Variants in PCSK2 observed in about 807,000 individuals in gnomAD.
PCSK2 encodes proprotein convertase subtilisin/kexin type 2, also known as neuroendocrine convertase 2.
In PCSK2, 14 loss-of-function variants were observed where a neutral mutation model predicts 69.7. The observed-to-expected ratio is 0.20, with a 90% CI of 0.13 to 0.31. The LOEUF (loss-of-function observed/expected upper bound fraction) is 0.31, where lower values mean the gene tolerates loss of function less well. PCSK2 is among the 10% of genes least tolerant of loss of function. The pLI, the probability that PCSK2 is intolerant of heterozygous loss-of-function variation, is 1.00. For missense variants in PCSK2, 544 were observed against 842.5 expected, an observed-to-expected ratio of 0.65 and a Z score of 4.39; for synonymous variants, 307 against 320.7, an observed-to-expected ratio of 0.96 and a Z score of 0.46.
At chr20:17,280,240 A>G (rs1018471861) in intron 2 of PCSK2, among the ~76,000 whole-genome samples, 1 of 152,226 alleles carries the variant, frequency 6.6e-6, no homozygotes, top group Non-Finnish European at 1.5e-5. Context: ...TTTGACTTAT[A>G]AGTACACACA....
chr20:17,356,653 G>A (rs1434179611), intron 2 of PCSK2, among the ~76,000 whole-genome samples: 6 of 152,184 alleles, frequency 3.9e-5, no homozygotes, highest in Admixed American at 3.9e-4. Context: ...AATGGATTCT[G>A]CTTCACTTCA....
At chr20:17,325,453 C>T (rs79118125) in intron 2 of PCSK2, among the ~76,000 whole-genome samples, 1,935 of 152,260 alleles carry the variant, frequency 0.013, 43 homozygotes, top group African/African-American at 0.044. Flanking sequence ...CCCAATGGGG[C>T]GTGTGATCAC....
chr20:17,406,471 C>T (rs1426743500), intron 5 of PCSK2, among the ~76,000 whole-genome samples: 3 of 152,298 alleles, frequency 2.0e-5, no homozygotes, highest in Non-Finnish European at 4.4e-5. Flanking sequence ...TCATCCATTT[C>T]AACATTCAGA....
intron 7 of PCSK2, among the ~76,000 whole-genome samples, chr20:17,436,098 G>A (rs1378675367): frequency 1.3e-5 from 2 of 152,188 alleles, no homozygotes; most frequent in Non-Finnish European, 2.9e-5. Context: ...GAAGAAAGGA[G>A]AGGCAGCCGT....
At chr20:17,238,202 T>C (rs1004161483) in intron 1 of PCSK2, among the ~76,000 whole-genome samples, 2 of 152,306 alleles carry the variant, frequency 1.3e-5, no homozygotes, top group Middle Eastern at 3.4e-3. Context: ...TCAAGAGGTA[T>C]AGTGGTTAAA....
chr20:17,358,131 C>A (rs1029230996), intron 2 of PCSK2, among the ~76,000 whole-genome samples, 196 bp from the exon 3 acceptor site: 1 of 92,960 alleles, frequency 1.1e-5, no homozygotes, highest in South Asian at 3.0e-4. Context: ...CATAGCGAGA[C>A]CCCCCCTAAT....
intron 8 of PCSK2, among the ~76,000 whole-genome samples, chr20:17,450,712 G>A (rs558417321): frequency 2.0e-5 from 3 of 152,200 alleles, no homozygotes; most frequent in South Asian, 2.1e-4. Context: ...ACAAACACTG[G>A]GTCTTCCCAT....
intron 2 of PCSK2, among the ~76,000 whole-genome samples, chr20:17,289,856 C>A (rs957497352): frequency 3.9e-5 from 6 of 151,990 alleles, no homozygotes; most frequent in African/African-American, 1.4e-4. Context: ...GAAAAATGGC[C>A]ATTTCTAATT....
At chr20:17,349,608 C>G (rs1005517315) in intron 2 of PCSK2, among the ~76,000 whole-genome samples, 1 of 151,826 alleles carries the variant, frequency 6.6e-6, no homozygotes, top group African/African-American at 2.4e-5. Flanking sequence ...CATATGGATG[C>G]GTCCTCAAGC....
intron 1 of PCSK2, among the ~76,000 whole-genome samples, chr20:17,244,766 C>T (rs1986710244): frequency 6.6e-6 from 1 of 152,210 alleles, no homozygotes; most frequent in African/African-American, 2.4e-5. Context: ...TCACCCAAGG[C>T]ATCTGTGACT....
intron 8 of PCSK2, among the ~76,000 whole-genome samples, chr20:17,450,547 T>A (rs1332176282): frequency 6.6e-6 from 1 of 152,206 alleles, no homozygotes; most frequent in East Asian, 1.9e-4. Flanking sequence ...CTGTCTCGAT[T>A]TCTGCCTAGC....
chr20:17,239,659 G>A (rs1378596369), intron 1 of PCSK2, among the ~76,000 whole-genome samples: 6 of 152,006 alleles, frequency 3.9e-5, no homozygotes, highest in South Asian at 2.1e-4. Context: ...CCACAGGGAC[G>A]TATAGAAGGA....
rs1030704969 is a variant in PCSK2, at chr20:17,312,505, G to A, written c.283-45822G>A. Among the ~76,000 whole-genome samples, 7 of 152,042 alleles carry A rather than the reference G, an allele frequency of 4.6e-5. 1 individual carries two copies. Among genetic ancestry groups the A allele is most frequent in the Admixed American group, 1.3e-4 (2 of 15,268 alleles). On this transcript the variant is annotated intron_variant, in intron 2 of 11. Coordinates refer to ENST00000262545, the MANE Select transcript of PCSK2 (RefSeq NM_002594.5). Reference sequence around the variant, plus strand: ...TGTAGTGAACAAGAAAGCCAAGCACGAAGTGTTCAAAAAACTAACCCGACA... The same window carrying A: ...TGTAGTGAACAAGAAAGCCAAGCACAAAGTGTTCAAAAAACTAACCCGACA...
At chr20:17,348,090 A>AGAAAGAAAGAATGAAT (rs1555790046) in intron 2 of PCSK2, among the ~76,000 whole-genome samples, 1 of 142,702 alleles carries the variant, frequency 7.0e-6, no homozygotes, top group South Asian at 2.3e-4. Flanking sequence ...AAAGAAAGAA[A>AGAAAGAAAGAATGAAT]GAAAGAAAGA....
intron 2 of PCSK2, among the ~76,000 whole-genome samples, chr20:17,323,935 G>A (rs2123137172): frequency 6.6e-6 from 1 of 152,292 alleles, no homozygotes; most frequent in East Asian, 1.9e-4. Context: ...CTTGGCCCTG[G>A]TTCAGGGCAG....
At chr20:17,395,508 T>A (rs2031491066) in intron 5 of PCSK2, among the ~76,000 whole-genome samples, 1 of 152,148 alleles carries the variant, frequency 6.6e-6, no homozygotes, top group African/African-American at 2.4e-5. Flanking sequence ...AAGGTCACAT[T>A]TTTTGTACTC....
chr20:17,345,892 T>C (rs564328994), intron 2 of PCSK2, among the ~76,000 whole-genome samples: 1 of 152,326 alleles, frequency 6.6e-6, no homozygotes, highest in Admixed American at 6.5e-5. Flanking sequence ...ATCATTAGCC[T>C]GTGGCCATGG....
chr20:17,330,461 G>A (rs1990180302), intron 2 of PCSK2, among the ~76,000 whole-genome samples: 1 of 151,928 alleles, frequency 6.6e-6, no homozygotes, highest in Non-Finnish European at 1.5e-5. Flanking sequence ...GGGCATGGTG[G>A]CGCGTGTCTT....
intron 6 of PCSK2, among the ~76,000 whole-genome samples, chr20:17,422,602 A>C (rs1426517771): frequency 1.3e-5 from 2 of 152,080 alleles, no homozygotes; most frequent in Non-Finnish European, 2.9e-5. Context: ...AAATAGAAGA[A>C]GACAAGTAAG....
Sources: allele counts gnomAD v4.1 joint callset (sites outside exome capture counted in the v4.1 genomes callset), GRCh38; gene constraint gnomAD v4.1.1; transcripts MANE v1.5; gene names NCBI Gene and HGNC (gene_info 2026-07-23, HGNC 2026-07-21).